The following CREB3L2 variants were observed in gnomAD, a reference collection of about 807,000 sequenced individuals.
CREB3L2 encodes cyclic AMP-responsive element-binding protein 3-like protein 2.
Under a neutral mutation model 57.2 loss-of-function variants are expected in CREB3L2, and 23 were observed. The observed-to-expected ratio is 0.40, with a 90% CI of 0.29 to 0.57. CREB3L2 has a LOEUF of 0.57. CREB3L2 is among the 20% of genes least tolerant of loss of function. The probability of loss-of-function intolerance (pLI) is 0.42; values close to 1 mark genes in which losing one functional copy is unlikely to be tolerated. For missense variants in CREB3L2, 628 were observed against 634.7 expected, an observed-to-expected ratio of 0.99 and a Z score of 0.11; for synonymous variants, 268 against 265.1, an observed-to-expected ratio of 1.01 and a Z score of -0.11.
At chr7:137,911,043 T>C (rs1373715056) in intron 4 of CREB3L2, among the ~76,000 whole-genome samples, 5 of 152,210 alleles carry the variant, frequency 3.3e-5, no homozygotes, top group African/African-American at 1.2e-4. Flanking sequence ...ATGGGATTCA[T>C]TGTTATGGTG....
rs1371078067 is a variant in CREB3L2, at chr7:138,001,883, G to C, written c.-178C>G. Reference sequence around the variant, plus strand: ...CCTCTGCCGGAGAGAGGATGGCCAAGCGCTCCCGTCCGGTGTCCTCGGAGA... The same window carrying C: ...CCTCTGCCGGAGAGAGGATGGCCAACCGCTCCCGTCCGGTGTCCTCGGAGA... On this transcript the variant is annotated 5_prime_UTR_variant, in exon 1 of 12. Coordinates refer to ENST00000330387, the MANE Select transcript of CREB3L2 (RefSeq NM_194071.4). This position sits in a 1 kb window ranked among gnomAD's most constrained non-coding sequence, Gnocchi z 4.2. The C allele has an allele frequency of 2.1e-6, 1 of 486,168 alleles. No homozygotes were observed. Among genetic ancestry groups the C allele is most frequent in the Admixed American group, 3.9e-5 (1 of 25,406 alleles). The allele number at this position is 486,168 out of a possible 1,614,324, so 30.1% of individuals were successfully genotyped here.
chr7:137,956,817 T>G (rs757528606), intron 1 of CREB3L2, among the ~76,000 whole-genome samples: 5 of 152,136 alleles, frequency 3.3e-5, no homozygotes, highest in Non-Finnish European at 5.9e-5. Flanking sequence ...GAAACAACAT[T>G]CCGCACAGAG....
At chr7:137,973,388 A>G (rs923892906) in intron 1 of CREB3L2, among the ~76,000 whole-genome samples, 10 of 152,022 alleles carry the variant, frequency 6.6e-5, no homozygotes, top group African/African-American at 2.2e-4. Flanking sequence ...ACCAAGGAAC[A>G]CAGAGTTTCC....
chr7:137,896,661 A>C (rs1441403539), intron 8 of CREB3L2, among the ~76,000 whole-genome samples: 1 of 152,116 alleles, frequency 6.6e-6, no homozygotes, highest in Non-Finnish European at 1.5e-5. Flanking sequence ...TCACAGATGA[A>C]TCCATTGCCA....
chr7:137,886,218 A>C (rs1454996144), intron 8 of CREB3L2, among the ~76,000 whole-genome samples: 1 of 152,222 alleles, frequency 6.6e-6, no homozygotes, highest in Non-Finnish European at 1.5e-5. Flanking sequence ...TAAAAGAAGA[A>C]CTCATTTAAG....
chr7:137,918,466 C>T (rs1417062115), intron 2 of CREB3L2, among the ~76,000 whole-genome samples: 1 of 152,150 alleles, frequency 6.6e-6, no homozygotes, highest in Non-Finnish European at 1.5e-5. Flanking sequence ...CAGGTGTGAG[C>T]CACCGTGAAC....
At chr7:137,931,898 T>C (rs1316237467) in intron 1 of CREB3L2, among the ~76,000 whole-genome samples, 1 of 152,258 alleles carries the variant, frequency 6.6e-6, no homozygotes, top group Non-Finnish European at 1.5e-5. Flanking sequence ...TTTACATGGT[T>C]GCTGCTGTAA....
chr7:137,875,014 T>G lies in CREB3L2; in HGVS notation c.*5462A>C, dbSNP rs1181743375. 5.4e-6 allele frequency: 1 copy of G among 184,174 alleles called. No individual in the cohort carries two copies. Among genetic ancestry groups the G allele is most frequent in the Admixed American group, 6.3e-5 (1 of 15,978 alleles). The allele number at this position is 184,174 out of a possible 1,614,324, so 11.4% of individuals were successfully genotyped here. On this transcript the variant is annotated 3_prime_UTR_variant, in exon 12 of 12. Coordinates refer to ENST00000330387, the MANE Select transcript of CREB3L2 (RefSeq NM_194071.4). The stretch of plus-strand genomic sequence containing the variant: ...AGAAAAAATATTTATTTGCAAGAAA[T>G]GGAAATACAAAAGCATAACAATTTC...
At chr7:137,991,512 A>G (rs1011483098) in intron 1 of CREB3L2, among the ~76,000 whole-genome samples, 7 of 152,146 alleles carry the variant, frequency 4.6e-5, no homozygotes, top group Non-Finnish European at 1.0e-4. Flanking sequence ...GGCATAACAC[A>G]TGTAATACCA....
chr7:137,967,004 A>G (rs1801418441), intron 1 of CREB3L2, among the ~76,000 whole-genome samples: 1 of 152,116 alleles, frequency 6.6e-6, no homozygotes, highest in African/African-American at 2.4e-5. Context: ...GGTTCCCATG[A>G]TGGGATTAGT....
At chr7:137,914,538 A>T (rs551202013) in intron 3 of CREB3L2, among the ~76,000 whole-genome samples, 3 of 152,208 alleles carry the variant, frequency 2.0e-5, no homozygotes, top group Non-Finnish European at 4.4e-5. Context: ...AGGCTGAGGC[A>T]CAAGAATCAC....
At chr7:137,881,666 TG>T (rs1163777314) in intron 11 of CREB3L2, among the ~76,000 whole-genome samples, 1 of 152,230 alleles carries the variant, frequency 6.6e-6, no homozygotes, top group Non-Finnish European at 1.5e-5. Flanking sequence ...GCCTCATTTC[TG>T]GGAGGCATAG....
chr7:137,932,495 G>A (rs1345934281), intron 1 of CREB3L2, among the ~76,000 whole-genome samples: 1 of 152,148 alleles, frequency 6.6e-6, no homozygotes, highest in African/African-American at 2.4e-5. Context: ...CACTTTGGGA[G>A]GCAGAGGTAG....
chr7:137,989,160 T>A (rs1042018964), intron 1 of CREB3L2, among the ~76,000 whole-genome samples: 9 of 152,198 alleles, frequency 5.9e-5, no homozygotes, highest in African/African-American at 2.2e-4. Context: ...CCATTTACTC[T>A]GAGTTCCTGG....
Position 137,880,542 on chromosome 7 carries a change from G to A in CREB3L2, c.1497C>T (p.Ala499=), listed in dbSNP as rs778003332. Residue 499 remains alanine (A), a synonymous_variant, in exon 12 of 12, where the codon GCC becomes GCT. Transcript: ENST00000330387. This position sits in a 1 kb window ranked among gnomAD's most constrained non-coding sequence, Gnocchi z 4.0. ...LLELQQHLVS[A]KLEGNETLKV... ...TTAGTGTTTCATTCCCCTCCAGTTT[G>A]GCGCTGACCCTGTGAAGGCATTAAA... is the stretch of plus-strand genomic sequence containing the variant. 1.2e-6 allele frequency: 2 copies of A among 1,613,632 alleles called. No homozygotes were observed. The highest frequency in any genetic ancestry group is 4.5e-5 in the East Asian group (2 of 44,882).
rs190491370 is a variant in CREB3L2 at position 137,953,525 on chromosome 7, G to A, written c.103-25159C>T. The A allele has an allele frequency of 1.3e-4, 171 of 1,289,130 alleles. No homozygotes were observed. The African/African-American group carries it at 1.9e-3, about 15-fold the overall frequency. The allele number at this position is 1,289,130 out of a possible 1,614,324, so 79.9% of individuals were successfully genotyped here. On this transcript the variant is annotated intron_variant, in intron 1 of 11. Transcript: ENST00000330387. ...CACACGACTCTCCTGAAAGGGAAAG[G>A]TATGCGGGTTTGCAGAGGAGGGGAG... is the stretch of plus-strand genomic sequence containing the variant.
chr7:137,981,368 T>C (rs771795683), intron 1 of CREB3L2, among the ~76,000 whole-genome samples: 7 of 152,192 alleles, frequency 4.6e-5, no homozygotes, highest in Non-Finnish European at 5.9e-5. Flanking sequence ...GCTTTTAAAA[T>C]GGATTCATGT....
intron 7 of CREB3L2, among the ~76,000 whole-genome samples, chr7:137,903,514 G>A (rs1009413537): frequency 4.6e-5 from 7 of 152,040 alleles, no homozygotes; most frequent in Non-Finnish European, 8.8e-5. Context: ...AATTGTAGTG[G>A]CTGGAAAATA....
chr7:137,951,560 G>A (rs559540839), intron 1 of CREB3L2, among the ~76,000 whole-genome samples: 8 of 152,280 alleles, frequency 5.3e-5, no homozygotes, highest in African/African-American at 1.9e-4. Context: ...AACAAGAATT[G>A]ATTGTACTTA....
Sources: gnomAD v4.1 joint callset for allele counts (sites outside exome capture counted in the v4.1 genomes callset) on GRCh38, gnomAD v4.1.1 for gene constraint, Gnocchi (gnomAD v3.1) non-coding constraint, MANE v1.5 for transcripts, NCBI Gene and HGNC (gene_info 2026-07-23, HGNC 2026-07-21) for gene names.